The following EPHA5 variants were observed in gnomAD, a reference collection of about 807,000 sequenced individuals.
The protein encoded by EPHA5 is ephrin type-A receptor 5.
Under a neutral mutation model 105.0 loss-of-function variants are expected in EPHA5, and 60 were observed. The ratio of observed to expected loss-of-function variants is 0.57; its 90% confidence interval spans 0.46 to 0.71. The LOEUF is 0.71. Ranked by LOEUF, EPHA5 falls within the 30% of genes least tolerant of loss-of-function variation. The pLI, the probability that EPHA5 is intolerant of heterozygous loss-of-function variation, is 0.00. For synonymous variants in EPHA5, 513 were observed against 449.1 expected, an observed-to-expected ratio of 1.14 and a Z score of -1.80; for missense variants, 1,218 against 1,274.7, an observed-to-expected ratio of 0.96 and a Z score of 0.68.
intron 1 of EPHA5, among the ~76,000 whole-genome samples, chr4:65,652,102 A>G (rs10008983): frequency 0.061 from 9,243 of 152,246 alleles, 666 homozygotes; most frequent in African/African-American, 0.17. Flanking sequence ...AAGAAGCTTG[A>G]AAATCTTTAC....
intron 7 of EPHA5, among the ~76,000 whole-genome samples, chr4:65,414,068 C>T (rs1284041440): frequency 2.6e-5 from 4 of 152,082 alleles, no homozygotes; most frequent in African/African-American, 9.7e-5. Flanking sequence ...GTACCATCTC[C>T]CAGAAGACTG....
At chr4:65,622,292 G>A (rs1352777790) in intron 2 of EPHA5, among the ~76,000 whole-genome samples, 1 of 151,954 alleles carries the variant, frequency 6.6e-6, no homozygotes, top group Non-Finnish European at 1.5e-5. Flanking sequence ...AACTGAGTTA[G>A]AAATAACGGT....
chr4:65,450,295 G>A (rs1444111098), intron 5 of EPHA5, among the ~76,000 whole-genome samples: 1 of 152,168 alleles, frequency 6.6e-6, no homozygotes, highest in African/African-American at 2.4e-5. Flanking sequence ...AAGCAAATGA[G>A]TGGAAATGTT....
chr4:65,639,844 C>T (rs1263830990), intron 2 of EPHA5, among the ~76,000 whole-genome samples: 1 of 152,116 alleles, frequency 6.6e-6, no homozygotes, highest in African/African-American at 2.4e-5. Context: ...CTTCTCTGTG[C>T]TCAAATCTGC....
At chr4:65,347,677 A>G (rs1011765913) in intron 14 of EPHA5, among the ~76,000 whole-genome samples, 2 of 152,144 alleles carry the variant, frequency 1.3e-5, no homozygotes, top group African/African-American at 4.8e-5. Flanking sequence ...TCATCATCCT[A>G]TTGGTTTGGA....
chr4:65,552,077 A>T, intron 3 of EPHA5, among the ~76,000 whole-genome samples: 1 of 152,146 alleles, frequency 6.6e-6, no homozygotes, highest in East Asian at 1.9e-4. Context: ...GTTTTCATTC[A>T]CAGCAGAGGG....
At chr4:65,473,789 C>G (rs1252421745) in intron 5 of EPHA5, among the ~76,000 whole-genome samples, 1 of 151,940 alleles carries the variant, frequency 6.6e-6, no homozygotes, top group Non-Finnish European at 1.5e-5. Flanking sequence ...AAACATCACC[C>G]AAGTAGTGAT....
intron 5 of EPHA5, among the ~76,000 whole-genome samples, chr4:65,445,246 A>G (rs1726405302): frequency 6.6e-6 from 1 of 152,152 alleles, no homozygotes; most frequent in Non-Finnish European, 1.5e-5. Flanking sequence ...CACATTTTAA[A>G]TTTACAAACA....
At position 65,353,087 on chromosome 4, in the gene EPHA5, G is replaced by A. The variant is rs200235221; in HGVS notation, c.2190C>T (p.Ile730=). The A allele has an allele frequency of 1.7e-5, 26 of 1,558,018 alleles. No homozygotes were observed. Among genetic ancestry groups the A allele is most frequent in the Admixed American group, 9.5e-5 (5 of 52,384 alleles). ...AGCCATTCTCCATATACTCTGTCAC[G>A]ATCATCACTGGTTTACCTGAAAAGA... is the stretch of plus-strand genomic sequence containing the variant. ...GVVTKSKPVM[I]VTEYMENGSL... Residue 730 remains isoleucine, a synonymous_variant, in exon 12 of 17, where the codon ATC becomes ATT. Transcript: ENST00000613740.
In EPHA5 at chr4:65,565,109, T is replaced by A. The variant is rs1030592388; in HGVS notation, c.910+36532A>T. ...ACACTCTTCATATCCAATTGCAATGTAAGGACACCTCAGAGGGTTCCTTAA... is the reference window on the plus strand; with the variant it reads ...ACACTCTTCATATCCAATTGCAATGAAAGGACACCTCAGAGGGTTCCTTAA... On this transcript the variant is annotated intron_variant, in intron 3 of 16. Coordinates refer to ENST00000613740, the MANE Select transcript of EPHA5 (RefSeq NM_001281766.3). Among the ~76,000 whole-genome samples, 15 of 151,724 alleles carry A rather than the reference T, an allele frequency of 9.9e-5. 1 individual carries two copies. In the Admixed American group the frequency reaches 9.9e-4, roughly 10 times the overall value.
chr4:65,346,559 T>C (rs972642333), intron 14 of EPHA5, among the ~76,000 whole-genome samples: 3 of 152,098 alleles, frequency 2.0e-5, no homozygotes, highest in African/African-American at 7.2e-5. Context: ...TTTATTATTA[T>C]ATTTTAAGTT....
At chr4:65,461,468 A>T (rs1001910688) in intron 5 of EPHA5, among the ~76,000 whole-genome samples, 1 of 152,070 alleles carries the variant, frequency 6.6e-6, no homozygotes, top group Non-Finnish European at 1.5e-5. Flanking sequence ...TTTTCGATAT[A>T]CAAATTTACT....
intron 3 of EPHA5, among the ~76,000 whole-genome samples, chr4:65,504,040 A>G (rs1237352062): frequency 6.6e-6 from 1 of 151,440 alleles, no homozygotes; most frequent in Admixed American, 6.6e-5. Context: ...TGTACATATA[A>G]ATAAAATCAT....
rs778795902 is a variant in EPHA5 at position 65,336,115 on chromosome 4, G to A, written c.2606C>T (p.Ala869Val). The part of the protein sequence containing the change: ...WEMTNQDVIK[A>V]VEEGYRLPSP... ...TGGCAGACGATAGCCTTCCTCTACC[G>A]CTTTAATCACCTGTATAAAGCAAAA... Residue 869 changes from alanine to valine, a missense_variant, in exon 15 of 17, where the codon GCG becomes GTG. This residue lies in a region of EPHA5 where 971 missense variants were observed against 1,013.5 expected (regional missense o/e 0.96). Transcript: ENST00000613740. The A allele has an allele frequency of 1.9e-5, 30 of 1,609,174 alleles. 1 individual carries two copies. The highest frequency in any genetic ancestry group is 6.7e-5 in the East Asian group (3 of 44,602).
intron 5 of EPHA5, among the ~76,000 whole-genome samples, chr4:65,452,567 C>A (rs1727168330): frequency 7.4e-6 from 1 of 134,898 alleles, no homozygotes; most frequent in African/African-American, 2.7e-5. Context: ...AATTAGCTAG[C>A]TCAGCTAAAA....
chr4:65,454,328 C>T (rs796857192), intron 5 of EPHA5, among the ~76,000 whole-genome samples: 3 of 151,886 alleles, frequency 2.0e-5, no homozygotes, highest in African/African-American at 7.2e-5. Flanking sequence ...CAGTGTTGGT[C>T]CTATGCAATG....
At chr4:65,430,621 C>T (rs1369113633) in intron 5 of EPHA5, among the ~76,000 whole-genome samples, 1 of 151,968 alleles carries the variant, frequency 6.6e-6, no homozygotes, top group Non-Finnish European at 1.5e-5. Flanking sequence ...GAAGTAGAAA[C>T]TATTATCGTC....
At position 65,574,473 on chromosome 4, in the gene EPHA5, A is replaced by C. The variant is rs562655058; in HGVS notation, c.910+27168T>G. On this transcript the variant is annotated intron_variant, in intron 3 of 16. Coordinates refer to ENST00000613740, the MANE Select transcript of EPHA5 (RefSeq NM_001281766.3). Reference sequence around the variant, plus strand: ...ACATTAAGAAAATAATTATAAATGTAGTTAAATATTTGTGTAAATAAAAAT... The same window carrying C: ...ACATTAAGAAAATAATTATAAATGTCGTTAAATATTTGTGTAAATAAAAAT... The C allele has an allele frequency of 1.5e-3, 501 of 326,858 alleles. 2 individuals are homozygous for C. Among genetic ancestry groups the C allele is most frequent in the Non-Finnish European group, 2.1e-3 (407 of 192,612 alleles). 20.2% of individuals were successfully genotyped at this position (326,858 alleles called of 1,614,324 possible).
intron 8 of EPHA5, among the ~76,000 whole-genome samples, chr4:65,382,027 C>T (rs11724965): frequency 2.0e-5 from 3 of 151,776 alleles, no homozygotes; most frequent in Non-Finnish European, 2.9e-5. Flanking sequence ...CTGAGGTGCA[C>T]CTTAAATAAA....
Sources: allele counts gnomAD v4.1 joint callset (sites outside exome capture counted in the v4.1 genomes callset), GRCh38; gene constraint gnomAD v4.1.1; regional missense constraint gnomAD v4.1.1; transcripts MANE v1.5; gene names NCBI Gene and HGNC (gene_info 2026-07-23, HGNC 2026-07-21).